SMOC1: variants seen among roughly 807,000 people sequenced by gnomAD.
SMOC1 encodes the protein SPARC-related modular calcium-binding protein 1.
A neutral mutation model predicts 56.3 loss-of-function variants in SMOC1; 22 were observed. The ratio of observed to expected loss-of-function variants is 0.39; its 90% CI spans 0.28 to 0.56. The LOEUF (loss-of-function observed/expected upper bound fraction) is 0.56. Ranked by LOEUF, SMOC1 falls within the 20% of genes least tolerant of loss-of-function variation. The pLI is 0.61. For synonymous variants in SMOC1, 193 were observed against 215.0 expected (o/e 0.90, Z 0.89); for missense variants, 509 against 565.4 (o/e 0.90, Z 1.01).
At chr14:69,974,356 G>T (rs1883882056) in intron 3 of SMOC1, among the ~76,000 whole-genome samples, 1 of 152,154 alleles carries the variant, frequency 6.6e-6, no homozygotes, top group Non-Finnish European at 1.5e-5. Context: ...ATTAGGAGTG[G>T]ATGGGAGATG....
chr14:70,023,522 T>C (rs1885812137), intron 11 of SMOC1, 75 bp downstream of exon 11: 3 of 1,588,310 alleles, frequency 1.9e-6, no homozygotes, highest in Admixed American at 3.3e-5. Flanking sequence ...GGCTCTCTGA[T>C]AAATGAGATT....
chr14:69,981,955 G>A (rs932814166), intron 5 of SMOC1, among the ~76,000 whole-genome samples: 2 of 152,120 alleles, frequency 1.3e-5, no homozygotes, highest in Non-Finnish European at 2.9e-5. Flanking sequence ...CTTAGCCTCT[G>A]GTGGGGTGAA....
chr14:69,958,639 G>A (rs1461165958), intron 3 of SMOC1, among the ~76,000 whole-genome samples: 2 of 152,114 alleles, frequency 1.3e-5, no homozygotes, highest in Non-Finnish European at 2.9e-5. Context: ...TTGTAATATG[G>A]GTCAAAAGTC....
intron 1 of SMOC1, among the ~76,000 whole-genome samples, chr14:69,907,900 C>G (rs1884452480): frequency 6.6e-6 from 1 of 152,192 alleles, no homozygotes; most frequent in Non-Finnish European, 1.5e-5. Flanking sequence ...GGGTCTCACT[C>G]TGGCCTCCTT....
intron 7 of SMOC1, among the ~76,000 whole-genome samples, chr14:69,999,429 C>A (rs144869789): frequency 6.6e-6 from 1 of 152,192 alleles, no homozygotes; most frequent in Admixed American, 6.5e-5. Context: ...CGGTAGCCGT[C>A]GTAAGCAAAT....
intron 1 of SMOC1, among the ~76,000 whole-genome samples, chr14:69,934,174 C>A (rs770298907): frequency 2.6e-5 from 4 of 152,140 alleles, no homozygotes; most frequent in Non-Finnish European, 5.9e-5. Flanking sequence ...TTACCGCCTG[C>A]CTTGCATTTT....
chr14:69,993,026 C>T (rs1884618291), intron 6 of SMOC1, among the ~76,000 whole-genome samples: 1 of 152,128 alleles, frequency 6.6e-6, no homozygotes, highest in African/African-American at 2.4e-5. Flanking sequence ...TGTGAAGAGC[C>T]AGGACTTGAG....
intron 7 of SMOC1, among the ~76,000 whole-genome samples, chr14:69,995,791 CG>C (rs915737949): frequency 6.6e-6 from 1 of 151,996 alleles, no homozygotes; most frequent in African/African-American, 2.4e-5. Context: ...GTATGAATAA[CG>C]GGAATAGTAA....
chr14:69,993,242 T>C (rs1566702772), intron 6 of SMOC1, among the ~76,000 whole-genome samples: 1 of 151,904 alleles, frequency 6.6e-6, no homozygotes, highest in Non-Finnish European at 1.5e-5. Flanking sequence ...TCAAGAGAAA[T>C]TGTGGCTGGT....
At chr14:70,012,828 T>C (rs1046105232) in intron 9 of SMOC1, among the ~76,000 whole-genome samples, 1 of 152,160 alleles carries the variant, frequency 6.6e-6, no homozygotes, top group African/African-American at 2.4e-5. Context: ...AACAAGGACT[T>C]GGGAGTATTT....
intron 1 of SMOC1, among the ~76,000 whole-genome samples, chr14:69,887,416 T>TG (rs1555357149): frequency 1.3e-5 from 2 of 152,120 alleles, no homozygotes; most frequent in Non-Finnish European, 2.9e-5. Flanking sequence ...TCTACCTTTT[T>TG]GGGGGAGAGG....
In SMOC1 at chr14:69,949,313, C is replaced by T. The variant is rs548063051; in HGVS notation, c.100-2825C>T. ...CCCGGAAAGCCAGGCCTGTGATGTC[C>T]CACTGGCAGGTGTTGAGGGAATGGC... On this transcript the variant is annotated intron_variant, in intron 1 of 11. Transcript: ENST00000361956. 1.3e-4 allele frequency among the ~76,000 whole-genome samples: 20 copies of T among 152,236 alleles called. No homozygotes were observed. In the South Asian group the frequency reaches 4.2e-3, roughly 32 times the overall value.
At chr14:69,958,412 G>T (rs978922552) in intron 3 of SMOC1, among the ~76,000 whole-genome samples, 1 of 152,136 alleles carries the variant, frequency 6.6e-6, no homozygotes, top group Non-Finnish European at 1.5e-5. Flanking sequence ...CAAAAAACCA[G>T]CCATATGATA....
At chr14:69,900,649 G>T (rs1884219988) in intron 1 of SMOC1, among the ~76,000 whole-genome samples, 1 of 152,160 alleles carries the variant, frequency 6.6e-6, no homozygotes, top group African/African-American at 2.4e-5. Context: ...CAGGCAGCAG[G>T]GTGTTTACTC....
At chr14:69,970,243 C>T (rs1566693179) in intron 3 of SMOC1, among the ~76,000 whole-genome samples, 1 of 152,138 alleles carries the variant, frequency 6.6e-6, no homozygotes, top group Non-Finnish European at 1.5e-5. Flanking sequence ...CAGAAAATTA[C>T]AAGGCTCAAA....
At chr14:69,996,191 C>T (rs551227863) in intron 7 of SMOC1, among the ~76,000 whole-genome samples, 7 of 152,162 alleles carry the variant, frequency 4.6e-5, no homozygotes, top group African/African-American at 1.4e-4. Context: ...CTTTGGGGAA[C>T]GATGGAGGAG....
chr14:70,011,117 T>C (rs1555364477), intron 8 of SMOC1, among the ~76,000 whole-genome samples, 171 bp downstream of exon 8: 1 of 152,196 alleles, frequency 6.6e-6, no homozygotes, highest in Non-Finnish European at 1.5e-5. Flanking sequence ...TGGATTCTGG[T>C]CACAGGCCTG....
chr14:69,961,383 G>T (rs10140088), intron 3 of SMOC1, among the ~76,000 whole-genome samples: 50,678 of 140,518 alleles, frequency 0.36, 9,160 homozygotes, highest in African/African-American at 0.43. Flanking sequence ...TTTATTTTTA[G>T]TTTTTATTAT....
intron 3 of SMOC1, among the ~76,000 whole-genome samples, chr14:69,971,110 G>A (rs898877388): frequency 2.6e-5 from 4 of 152,130 alleles, no homozygotes; most frequent in African/African-American, 7.2e-5. Context: ...CCTCCAACTC[G>A]TGGCTTCAAG....
Sources: gnomAD v4.1 joint callset for allele counts (sites outside exome capture counted in the v4.1 genomes callset) on GRCh38, gnomAD v4.1.1 for gene constraint, MANE v1.5 for transcripts, NCBI Gene and HGNC (gene_info 2026-07-23, HGNC 2026-07-21) for gene names.